SCAPER: variants seen among roughly 807,000 people sequenced by gnomAD.
SCAPER encodes S phase cyclin A-associated protein in the endoplasmic reticulum.
In SCAPER, 98 loss-of-function variants were observed where a neutral mutation model predicts 182.2. That is an observed-to-expected ratio of 0.54 (90% confidence interval 0.46 to 0.64). The LOEUF is 0.64. SCAPER is among the 30% of genes least tolerant of loss of function. The pLI is 0.00. For synonymous variants in SCAPER, 605 were observed against 564.6 expected, an observed-to-expected ratio of 1.07 and a Z score of -1.01; for missense variants, 1,432 against 1,690.0, an observed-to-expected ratio of 0.85 and a Z score of 2.68.
At chr15:76,804,347 C>A (rs373573681) in intron 6 of SCAPER, among the ~76,000 whole-genome samples, 186 bp downstream of exon 6, 2 of 152,266 alleles carry the variant, frequency 1.3e-5, no homozygotes, top group African/African-American at 4.8e-5. Flanking sequence ...AGTGATAATA[C>A]CCAATTAATA....
intron 1 of SCAPER, among the ~76,000 whole-genome samples, chr15:76,888,682 A>T (rs1482669796): frequency 1.3e-5 from 2 of 152,242 alleles, no homozygotes; most frequent in East Asian, 3.8e-4. Context: ...CTATGTGAAA[A>T]GACCAAATCT....
chr15:76,748,613 A>C (rs1259306204), intron 15 of SCAPER, among the ~76,000 whole-genome samples: 1 of 151,446 alleles, frequency 6.6e-6, no homozygotes, highest in African/African-American at 2.4e-5. Flanking sequence ...ATAAGGATCT[A>C]GTATCCAGAA....
intron 10 of SCAPER, among the ~76,000 whole-genome samples, chr15:76,770,025 TA>T (rs1209124815): frequency 6.6e-6 from 1 of 151,970 alleles, no homozygotes; most frequent in African/African-American, 2.4e-5. Flanking sequence ...TATGCAGCCA[TA>T]AAAAAGGATG....
intron 21 of SCAPER, among the ~76,000 whole-genome samples, chr15:76,657,315 C>T (rs2055731373): frequency 6.6e-6 from 1 of 151,942 alleles, no homozygotes; most frequent in Non-Finnish European, 1.5e-5. Flanking sequence ...TTGATAAATT[C>T]CTGGAAACAT....
At chr15:76,727,594 TAG>T (rs1376469266) in intron 17 of SCAPER, among the ~76,000 whole-genome samples, 1 of 152,076 alleles carries the variant, frequency 6.6e-6, no homozygotes, top group Non-Finnish European at 1.5e-5. Flanking sequence ...CAATTGCAGA[TAG>T]ATAAAGACTA....
chr15:76,558,492 C>G (rs192480756), intron 23 of SCAPER, among the ~76,000 whole-genome samples: 69 of 152,266 alleles, frequency 4.5e-4, no homozygotes, highest in Middle Eastern at 6.8e-3. Flanking sequence ...TCATACAAGT[C>G]AGAATGGCTA....
At chr15:76,838,036 A>C (rs2069108729) in intron 5 of SCAPER, among the ~76,000 whole-genome samples, 1 of 152,228 alleles carries the variant, frequency 6.6e-6, no homozygotes, top group African/African-American at 2.4e-5. Context: ...TTGACCCAGC[A>C]GTCCTATTAT....
At chr15:76,590,296 A>G (rs1425828316) in intron 22 of SCAPER, among the ~76,000 whole-genome samples, 2 of 152,248 alleles carry the variant, frequency 1.3e-5, no homozygotes, top group Non-Finnish European at 2.9e-5. Flanking sequence ...CTCATGAACT[A>G]AAATACAAGT....
At position 76,353,931 on chromosome 15, in the gene SCAPER, G is replaced by A. The variant is rs938218914; in HGVS notation, c.4047+18C>T. On this transcript the variant is annotated intron_variant, in intron 30 of 31. Transcript: ENST00000563290. Reference sequence around the variant, plus strand: ...TTTACACACAAAGCTAGACAATTACGTATAATGTAGAAGGTACCTGAATGA... The same window carrying A: ...TTTACACACAAAGCTAGACAATTACATATAATGTAGAAGGTACCTGAATGA... 3 of 1,518,632 alleles carry A rather than the reference G, an allele frequency of 2.0e-6. No homozygotes were observed. The highest frequency in any genetic ancestry group is 2.5e-5 in the Admixed American group (1 of 40,268). 94.1% of individuals were successfully genotyped at this position (1,518,632 alleles called of 1,614,324 possible).
At chr15:76,670,166 G>A (rs28633260) in intron 20 of SCAPER, among the ~76,000 whole-genome samples, 1 of 151,642 alleles carries the variant, frequency 6.6e-6, no homozygotes, top group Admixed American at 6.6e-5. Context: ...ACAAAAATGT[G>A]TTCATTATAC....
At chr15:76,458,245 TAC>T (rs908878805) in intron 25 of SCAPER, among the ~76,000 whole-genome samples, 6 of 151,634 alleles carry the variant, frequency 4.0e-5, no homozygotes, top group African/African-American at 1.5e-4. Context: ...TACCCACACA[TAC>T]AGACTCCACA....
At chr15:76,629,115 T>C (rs2052852049) in intron 21 of SCAPER, among the ~76,000 whole-genome samples, 1 of 152,256 alleles carries the variant, frequency 6.6e-6, no homozygotes, top group Non-Finnish European at 1.5e-5. Context: ...GCACATTGAT[T>C]TTGTATCGTG....
intron 20 of SCAPER, among the ~76,000 whole-genome samples, chr15:76,680,894 C>T (rs1294860259): frequency 6.6e-6 from 1 of 152,112 alleles, no homozygotes; most frequent in Non-Finnish European, 1.5e-5. Flanking sequence ...TGAAGCAACA[C>T]AAAAACATAC....
At chr15:76,362,222 C>T (rs1296373508) in intron 29 of SCAPER, among the ~76,000 whole-genome samples, 1 of 152,020 alleles carries the variant, frequency 6.6e-6, no homozygotes, top group African/African-American at 2.4e-5. Context: ...ATCCACCCGC[C>T]TCGGCCTCCC....
At chr15:76,732,103 C>T (rs1339901436) in intron 16 of SCAPER, among the ~76,000 whole-genome samples, 1 of 152,044 alleles carries the variant, frequency 6.6e-6, no homozygotes, top group Non-Finnish European at 1.5e-5. Flanking sequence ...AGAAAATAGA[C>T]TTTATGTTTC....
chr15:76,537,481 T>A (rs892154469), intron 23 of SCAPER, among the ~76,000 whole-genome samples: 5 of 152,136 alleles, frequency 3.3e-5, no homozygotes, highest in Non-Finnish European at 5.9e-5. Flanking sequence ...GATTCCCTAT[T>A]TAATAAAAGG....
intron 23 of SCAPER, among the ~76,000 whole-genome samples, chr15:76,543,627 C>T (rs1156854828): frequency 6.6e-6 from 1 of 152,102 alleles, no homozygotes; most frequent in Non-Finnish European, 1.5e-5. Context: ...CCTTACCTCC[C>T]TAGACTCTGA....
chr15:76,427,916 T>C (rs540485584), intron 26 of SCAPER, among the ~76,000 whole-genome samples: 2 of 138,394 alleles, frequency 1.4e-5, no homozygotes, highest in East Asian at 2.1e-4. Context: ...CTGGGTGACA[T>C]GAGCAAAACT....
At chr15:76,506,062 G>A (rs942216057) in intron 23 of SCAPER, among the ~76,000 whole-genome samples, 18 of 152,016 alleles carry the variant, frequency 1.2e-4, no homozygotes, top group African/African-American at 4.3e-4. Flanking sequence ...TGAACTCATG[G>A]AGATAGAGAA....
Sources: gnomAD v4.1 joint callset for allele counts (sites outside exome capture counted in the v4.1 genomes callset) on GRCh38, gnomAD v4.1.1 for gene constraint, MANE v1.5 for transcripts, NCBI Gene and HGNC (gene_info 2026-07-23, HGNC 2026-07-21) for gene names.